The following SORBS2 variants were observed in gnomAD, a reference collection of about 807,000 sequenced individuals.
The protein encoded by SORBS2 is sorbin and SH3 domain-containing protein 2.
A neutral mutation model predicts 97.7 loss-of-function variants in SORBS2; 46 were observed. The ratio of observed to expected loss-of-function variants is 0.47; its 90% confidence interval spans 0.37 to 0.60. The LOEUF is 0.60. Ranked by LOEUF, SORBS2 falls within the 20% of genes least tolerant of loss-of-function variation. The pLI, the probability that SORBS2 is intolerant of heterozygous loss-of-function variation, is 0.00. For missense variants in SORBS2, 1,316 were observed against 1,282.3 expected (o/e 1.03, Z -0.40); for synonymous variants, 476 against 473.4 (o/e 1.01, Z -0.07).
chr4:185,586,912 C>A (rs747373992), exon 15 of SORBS2: 1 of 152,562 alleles, frequency 6.6e-6, no homozygotes, highest in African/African-American at 2.4e-5. Context: ...TGATTATTAC[C>A]GAAGGCTTTT....
intron 1 of SORBS2, among the ~76,000 whole-genome samples, chr4:185,792,533 G>GGGAGGGAAGGAAGGAAGGAAGGAAGGGGA (rs2099085132): frequency 2.7e-5 from 4 of 150,132 alleles, no homozygotes; most frequent in Admixed American, 6.7e-5. Flanking sequence ...GAGAGAGGGA[G>GGGAGGGAAGGAAGGAAGGAAGGAAGGGGA]GGAGGGAAGG....
At chr4:185,938,935 G>T (rs916892727) in intron 1 of SORBS2, among the ~76,000 whole-genome samples, 3 of 152,294 alleles carry the variant, frequency 2.0e-5, no homozygotes, top group African/African-American at 7.2e-5. Flanking sequence ...CAAATGTGCT[G>T]ATGGGTCTCA....
At chr4:185,587,739 T>C in intron 14 of SORBS2, 51 bp from the exon 27 acceptor site, 1 of 1,399,022 alleles carries the variant, frequency 7.1e-7, no homozygotes, top group Non-Finnish European at 1.0e-6. Flanking sequence ...TATCAGTTCA[T>C]ACACATGGGC....
At chr4:185,650,981 G>T (rs755893700) in intron 2 of SORBS2, among the ~76,000 whole-genome samples, 1 of 152,098 alleles carries the variant, frequency 6.6e-6, no homozygotes, top group African/African-American at 2.4e-5. Flanking sequence ...AGGATCATGC[G>T]ACCCCAGGCT....
intron 1 of SORBS2, among the ~76,000 whole-genome samples, chr4:185,778,272 G>A (rs1189260439): frequency 9.9e-5 from 15 of 152,132 alleles, no homozygotes; most frequent in Admixed American, 9.8e-4. Context: ...CAGATTGCTG[G>A]GTCCACCCCA....
chr4:185,834,733 C>T (rs570291103), intron 1 of SORBS2, among the ~76,000 whole-genome samples: 27 of 152,234 alleles, frequency 1.8e-4, no homozygotes, highest in Non-Finnish European at 3.2e-4. Context: ...TATAGAATAT[C>T]AGTATACATT....
intron 1 of SORBS2, among the ~76,000 whole-genome samples, chr4:185,869,131 G>C (rs1222717347): frequency 6.6e-6 from 1 of 152,106 alleles, no homozygotes; most frequent in African/African-American, 2.4e-5. Flanking sequence ...ATGGGCAGGT[G>C]GTTTTCTATT....
chr4:185,866,391 C>T (rs1213144136), intron 1 of SORBS2, among the ~76,000 whole-genome samples: 1 of 152,198 alleles, frequency 6.6e-6, no homozygotes, highest in African/African-American at 2.4e-5. Flanking sequence ...TGCCTTGGAA[C>T]TGGGTTTTAC....
At chr4:185,639,161 G>T in intron 4 of SORBS2, 126 bp from the exon 14 acceptor site, 2 of 832,162 alleles carry the variant, frequency 2.4e-6, no homozygotes, top group Non-Finnish European at 3.6e-6. Flanking sequence ...GGACGGCGAA[G>T]TGTCCCTAGG....
At chr4:185,633,516 G>C (rs751812639) in intron 4 of SORBS2, among the ~76,000 whole-genome samples, 65 of 151,072 alleles carry the variant, frequency 4.3e-4, no homozygotes, top group African/African-American at 1.4e-3. Context: ...AATGCATAGA[G>C]TTAAGTTTCT....
At chr4:185,943,909 G>C (rs34316775) in intron 1 of SORBS2, among the ~76,000 whole-genome samples, 1 of 152,248 alleles carries the variant, frequency 6.6e-6, no homozygotes, top group Non-Finnish European at 1.5e-5. Flanking sequence ...TGAGGACCTA[G>C]CAGTACAGCA....
intron 2 of SORBS2, 71 bp from the exon 6 acceptor site, chr4:185,678,893 G>T: frequency 2.2e-6 from 2 of 918,892 alleles, no homozygotes; most frequent in Non-Finnish European, 3.2e-6. Flanking sequence ...AAATAACATG[G>T]CAAAGAACTA....
At chr4:185,634,363 G>T (rs1156451356) in intron 4 of SORBS2, among the ~76,000 whole-genome samples, 2 of 152,134 alleles carry the variant, frequency 1.3e-5, no homozygotes, top group Non-Finnish European at 2.9e-5. Flanking sequence ...ATGAAAATAA[G>T]ATATTTATTG....
At chr4:185,928,093 C>G (rs1407200605) in intron 1 of SORBS2, among the ~76,000 whole-genome samples, 1 of 148,258 alleles carries the variant, frequency 6.7e-6, no homozygotes. Flanking sequence ...TTATAGAGGG[C>G]AAGAAGAAGC....
At chr4:185,651,502 T>A (rs2097313475) in intron 2 of SORBS2, among the ~76,000 whole-genome samples, 1 of 152,224 alleles carries the variant, frequency 6.6e-6, no homozygotes, top group South Asian at 2.1e-4. Flanking sequence ...TGGGTTACAG[T>A]GTGTCCTTTC....
chr4:185,940,446 C>T (rs895269193), intron 1 of SORBS2, among the ~76,000 whole-genome samples: 1 of 152,172 alleles, frequency 6.6e-6, no homozygotes, highest in Non-Finnish European at 1.5e-5. Flanking sequence ...TGCAGCTCAC[C>T]ACCTCCCCAG....
chr4:185,886,969 A>G (rs1202066162), intron 1 of SORBS2, among the ~76,000 whole-genome samples: 1 of 152,168 alleles, frequency 6.6e-6, no homozygotes, highest in East Asian at 1.9e-4. Context: ...TCCAGCGGGC[A>G]GCGATAGAAT....
upstream of SORBS2, among the ~76,000 whole-genome samples, chr4:185,659,518 G>C (rs1001741643): frequency 1.3e-5 from 2 of 151,834 alleles, no homozygotes; most frequent in African/African-American, 4.8e-5. Context: ...CTGGGTTCAC[G>C]CCGTTCTCCT....
At chr4:185,857,328 T>C (rs992634194) in intron 1 of SORBS2, among the ~76,000 whole-genome samples, 2 of 152,232 alleles carry the variant, frequency 1.3e-5, no homozygotes, top group Non-Finnish European at 2.9e-5. Context: ...AATACTCTTA[T>C]AATTTCTTAT....
Sources: gnomAD v4.1 joint callset for allele counts (sites outside exome capture counted in the v4.1 genomes callset) on GRCh38, gnomAD v4.1.1 for gene constraint, MANE v1.5 for transcripts, NCBI Gene and HGNC (gene_info 2026-07-23, HGNC 2026-07-21) for gene names.